Variants in MACROD1 observed in about 807,000 individuals in gnomAD.
MACROD1 encodes the protein ADP-ribose glycohydrolase MACROD1.
Under a neutral mutation model 41.4 loss-of-function variants are expected in MACROD1, and 31 were observed. The ratio of observed to expected loss-of-function variants is 0.75; its 90% CI spans 0.56 to 1.01. MACROD1 has a LOEUF of 1.01. Among genes scored for constraint, MACROD1 ranks in the 50% least tolerant of loss-of-function variants. The probability of loss-of-function intolerance (pLI) is 0.00; values close to 1 mark genes in which losing one functional copy is unlikely to be tolerated. For missense variants in MACROD1, 473 were observed against 460.0 expected, an observed-to-expected ratio of 1.03 and a Z score of -0.26; for synonymous variants, 252 against 203.4, an observed-to-expected ratio of 1.24 and a Z score of -2.03.
At chr11:64,032,284 C>T (rs1379277922) in intron 3 of MACROD1, among the ~76,000 whole-genome samples, 1 of 152,228 alleles carries the variant, frequency 6.6e-6, no homozygotes, top group South Asian at 2.1e-4. Context: ...GTATACGAAG[C>T]ACTTTCCTCC....
At chr11:64,138,299 G>T (rs953638764) in intron 3 of MACROD1, among the ~76,000 whole-genome samples, 1 of 152,210 alleles carries the variant, frequency 6.6e-6, no homozygotes, top group Non-Finnish European at 1.5e-5. Context: ...CCCCGGCACT[G>T]CCTGGTCTCC....
intron 3 of MACROD1, among the ~76,000 whole-genome samples, chr11:64,097,642 G>T (rs1221404373): frequency 6.6e-6 from 1 of 152,258 alleles, no homozygotes; most frequent in African/African-American, 2.4e-5. Context: ...CAGAGCGGAG[G>T]CTGGGAGGGT....
At chr11:64,044,693 G>A (rs976116725) in intron 3 of MACROD1, among the ~76,000 whole-genome samples, 4 of 152,164 alleles carry the variant, frequency 2.6e-5, no homozygotes, top group African/African-American at 9.7e-5. Context: ...AAAGGAGGAT[G>A]GGAAACTGAG....
chr11:64,034,286 G>A (rs1248338955), intron 3 of MACROD1, among the ~76,000 whole-genome samples: 1 of 152,274 alleles, frequency 6.6e-6, no homozygotes, highest in Non-Finnish European at 1.5e-5. Flanking sequence ...TCTCTGCATG[G>A]ACAAGCCTGG....
Position 64,155,836 on chromosome 11 carries a change from T to A in MACROD1, c.299-3443A>T, listed in dbSNP as rs549954301. 3.3e-5 allele frequency among the ~76,000 whole-genome samples: 5 copies of A among 151,512 alleles called. No individual in the cohort carries two copies. The South Asian group carries it at 1.0e-3, about 32-fold the overall frequency. ...AAAAAATCAGCTGAGCGGCCGGGCA[T>A]GGTGGCTCACACCTGTAATCCCAGC... On this transcript the variant is annotated intron_variant, in intron 1 of 10. Coordinates refer to ENST00000255681, the MANE Select transcript of MACROD1 (RefSeq NM_014067.4).
intron 3 of MACROD1, among the ~76,000 whole-genome samples, chr11:64,063,172 G>T (rs557557974): frequency 2.0e-4 from 31 of 152,304 alleles, no homozygotes; most frequent in African/African-American, 7.2e-4. Flanking sequence ...AGCTGGGTGT[G>T]TTAAGGCTCT....
In MACROD1 at chr11:63,998,875, G is replaced by A; in HGVS notation, c.974-3C>T. The A allele has an allele frequency of 6.3e-7, 1 of 1,594,940 alleles. No homozygotes were observed. The highest frequency in any genetic ancestry group is 8.5e-7 in the Non-Finnish European group (1 of 1,172,298). ...GGGTGGGCTGCGGGAGCCTCAGGCT[G>A]GAAGGCAGAGGACAGTGAGAGCCCG... On this transcript the variant is annotated splice_region_variant and splice_polypyrimidine_tract_variant and intron_variant, in intron 9 of 10. Transcript: ENST00000255681.
intron 3 of MACROD1, among the ~76,000 whole-genome samples, chr11:64,027,288 G>T (rs1420060319): frequency 6.6e-6 from 1 of 152,198 alleles, no homozygotes; most frequent in Non-Finnish European, 1.5e-5. Flanking sequence ...CTGGAGCTGG[G>T]AGCAGCAGGG....
intron 3 of MACROD1, among the ~76,000 whole-genome samples, chr11:64,053,747 G>A (rs2134418456): frequency 6.6e-6 from 1 of 152,332 alleles, no homozygotes; most frequent in South Asian, 2.1e-4. Flanking sequence ...CTCTGGGACT[G>A]CTGGGCCTTG....
chr11:64,130,469 C>T (rs539585856), intron 3 of MACROD1, among the ~76,000 whole-genome samples: 6 of 152,122 alleles, frequency 3.9e-5, no homozygotes, highest in Admixed American at 6.5e-5. Context: ...CTGGCCTCAC[C>T]GAGCAACCTG....
chr11:64,035,977 C>T (rs1943371953), intron 3 of MACROD1: 1 of 148,788 alleles, frequency 6.7e-6, no homozygotes, highest in South Asian at 2.0e-4. Flanking sequence ...GGCAGATGCG[C>T]CGCCGCGCGC....
chr11:64,078,788 G>C (rs529829609), intron 3 of MACROD1, among the ~76,000 whole-genome samples: 2 of 152,122 alleles, frequency 1.3e-5, no homozygotes, highest in East Asian at 1.9e-4. Context: ...TGACTGCAGG[G>C]GGGGAGGCCT....
chr11:64,128,621 C>T (rs1945221031), intron 3 of MACROD1, among the ~76,000 whole-genome samples: 1 of 151,722 alleles, frequency 6.6e-6, no homozygotes, highest in Non-Finnish European at 1.5e-5. Flanking sequence ...CCCCCATCTC[C>T]CCGTTGCCCC....
intron 3 of MACROD1, among the ~76,000 whole-genome samples, chr11:64,089,447 G>A (rs1487376317): frequency 1.3e-5 from 2 of 152,202 alleles, no homozygotes; most frequent in Admixed American, 6.5e-5. Context: ...GTCACCTCAC[G>A]GAGCAGGGGT....
intron 3 of MACROD1, among the ~76,000 whole-genome samples, chr11:64,031,892 G>A (rs1344551073): frequency 3.3e-5 from 5 of 152,212 alleles, no homozygotes; most frequent in African/African-American, 1.2e-4. Context: ...TAGTATACTG[G>A]GGCATCACTG....
intron 3 of MACROD1, chr11:64,118,097 C>A: frequency 3.1e-6 from 5 of 1,611,640 alleles, no homozygotes; most frequent in Non-Finnish European, 4.2e-6. Context: ...AGGATAACTC[C>A]ATCCTGGAAA....
intron 3 of MACROD1, among the ~76,000 whole-genome samples, chr11:64,081,358 G>A (rs78738526): frequency 6.6e-6 from 1 of 152,080 alleles, no homozygotes; most frequent in Non-Finnish European, 1.5e-5. Flanking sequence ...CCATGAACTC[G>A]CATATCCTGA....
rs1942798253 is a variant in MACROD1, at chr11:64,000,245, A to G, written c.646T>C (p.Tyr216His). 6.2e-7 allele frequency: 1 copy of G among 1,606,538 alleles called. No homozygotes were observed. Among genetic ancestry groups the G allele is most frequent in the African/African-American group, 1.3e-5 (1 of 74,760 alleles). Residue 216 changes from tyrosine (Y) to histidine (H), a missense_variant, in exon 5 of 11, where the codon TAT becomes CAT. Physicochemically the swap from Tyr to His is moderately conservative, Grantham distance 83. Coordinates refer to ENST00000255681, the MANE Select transcript of MACROD1 (RefSeq NM_014067.4). ...KTGKAKITGG[Y>H]RLPAKYVIHT... ...GACTCACACTTGGCCGGGAGCCGATAGCCGCCGGTGATCTTGGCCTTGCCA... is the reference window on the plus strand; with the variant it reads ...GACTCACACTTGGCCGGGAGCCGATGGCCGCCGGTGATCTTGGCCTTGCCA...
intron 3 of MACROD1, among the ~76,000 whole-genome samples, chr11:64,061,805 T>C (rs910283535): frequency 4.0e-5 from 6 of 149,650 alleles, no homozygotes; most frequent in African/African-American, 1.5e-4. Context: ...GCTCAAGCCA[T>C]CCTTCAAGCC....
Sources: allele counts gnomAD v4.1 joint callset (sites outside exome capture counted in the v4.1 genomes callset), GRCh38; gene constraint gnomAD v4.1.1; transcripts MANE v1.5; gene names NCBI Gene and HGNC (gene_info 2026-07-23, HGNC 2026-07-21).